CIMIP2C: variants seen among roughly 807,000 people sequenced by gnomAD.
CIMIP2C encodes the protein UPF0573 protein C2orf70.
the CIMIP2C span, chr2:26,562,779 T>TCCTTCAACCCC: frequency 1.8e-6 from 2 of 1,135,578 alleles, no homozygotes; most frequent in Non-Finnish European, 2.6e-6. Flanking sequence ...ACTTTGGGGT[T>TCCTTCAACCCC]GAAGGAACCC....
the CIMIP2C span, among the ~76,000 whole-genome samples, chr2:26,563,458 G>A: frequency 7.9e-5 from 12 of 152,230 alleles, no homozygotes; most frequent in African/African-American, 2.9e-4. Context: ...TTTCTACTCT[G>A]GACCGCCTCT....
At chr2:26,579,437 G>T in the CIMIP2C span, 1 of 1,613,574 alleles carries the variant, frequency 6.2e-7, no homozygotes, top group African/African-American at 1.3e-5. Context: ...TTCAGAGCAT[G>T]AGACTTTTAG....
At chr2:26,565,688 A>C in the CIMIP2C span, among the ~76,000 whole-genome samples, 1 of 152,106 alleles carries the variant, frequency 6.6e-6, no homozygotes, top group Non-Finnish European at 1.5e-5. Flanking sequence ...TTATCTGTTC[A>C]ATGGGGATGA....
chr2:26,578,008 T>C, the CIMIP2C span: 1 of 245,212 alleles, frequency 4.1e-6, no homozygotes, highest in Non-Finnish European at 7.8e-6. Flanking sequence ...TGCCCTCTGG[T>C]GGATACAGAG....
At chr2:26,576,030 G>A in the CIMIP2C span, 2 of 1,614,204 alleles carry the variant, frequency 1.2e-6, no homozygotes, top group East Asian at 4.5e-5. Context: ...AGCCAAGGCG[G>A]CCATTTCCCC....
chr2:26,577,970 GC>G, the CIMIP2C span: 130 of 306,190 alleles, frequency 4.2e-4, no homozygotes, highest in African/African-American at 2.7e-3. Flanking sequence ...TAACGTGGGC[GC>G]CGATGCAGAG....
chr2:26,579,367 T>G, the CIMIP2C span: 1 of 1,613,868 alleles, frequency 6.2e-7, no homozygotes, highest in Non-Finnish European at 8.5e-7. Context: ...CTACCAGACC[T>G]TCCCATCAGG....
the CIMIP2C span, chr2:26,577,444 C>A: frequency 1.9e-5 from 26 of 1,344,438 alleles, no homozygotes; most frequent in Non-Finnish European, 2.7e-5. Context: ...TGCAGCGAGG[C>A]ATGGACTGCA....
the CIMIP2C span, among the ~76,000 whole-genome samples, chr2:26,573,325 A>G: frequency 6.8e-6 from 1 of 147,062 alleles, no homozygotes; most frequent in African/African-American, 2.7e-5. Context: ...CCCTCTGCCT[A>G]TAAACGGGCA....
the CIMIP2C span, chr2:26,577,420 C>G: frequency 8.3e-7 from 1 of 1,212,040 alleles, no homozygotes. Flanking sequence ...AGGTGGCCCC[C>G]AACCCTGCCC....
the CIMIP2C span, chr2:26,579,232 G>A: frequency 1.3e-6 from 2 of 1,585,768 alleles, no homozygotes; most frequent in Non-Finnish European, 8.6e-7. Context: ...GGCTGTGGGT[G>A]GGCACGCACC....
At chr2:26,573,374 G>A in the CIMIP2C span, among the ~76,000 whole-genome samples, 2 of 152,218 alleles carry the variant, frequency 1.3e-5, no homozygotes, top group Non-Finnish European at 2.9e-5. Flanking sequence ...TAGGAACCAC[G>A]GCTCATGCCC....
chr2:26,568,110 C>T, the CIMIP2C span, among the ~76,000 whole-genome samples: 1 of 152,312 alleles, frequency 6.6e-6, no homozygotes, highest in Non-Finnish European at 1.5e-5. Context: ...TCATCTCCAG[C>T]TGAGGGAAAA....
the CIMIP2C span, among the ~76,000 whole-genome samples, chr2:26,573,669 CAG>C: frequency 1.4e-4 from 21 of 152,224 alleles, no homozygotes; most frequent in Non-Finnish European, 1.6e-4. Context: ...GCGGGGAACT[CAG>C]GGGGCCAAGG....
At chr2:26,575,961 C>T in the CIMIP2C span, 1 of 1,614,070 alleles carries the variant, frequency 6.2e-7, no homozygotes. Flanking sequence ...GGCACCACCA[C>T]CCTCAAGTAC....
chr2:26,571,323 A>C, the CIMIP2C span, among the ~76,000 whole-genome samples: 17 of 152,228 alleles, frequency 1.1e-4, no homozygotes, highest in Non-Finnish European at 2.1e-4. Flanking sequence ...CCCAGTGGAC[A>C]CTTGTCATGG....
the CIMIP2C span, among the ~76,000 whole-genome samples, chr2:26,568,472 G>T: frequency 6.6e-6 from 1 of 152,162 alleles, no homozygotes; most frequent in Non-Finnish European, 1.5e-5. Context: ...GAGGAACTGT[G>T]GAGCCCCCTA....
At chr2:26,568,702 T>A in the CIMIP2C span, among the ~76,000 whole-genome samples, 1 of 152,126 alleles carries the variant, frequency 6.6e-6, no homozygotes, top group Admixed American at 6.5e-5. Context: ...TAAGAAAGAA[T>A]ATTCCAGTGG....
chr2:26,565,055 T>C, the CIMIP2C span, among the ~76,000 whole-genome samples: 1 of 150,270 alleles, frequency 6.7e-6, no homozygotes. Flanking sequence ...CTCCTTCTCC[T>C]TCTTCTTCCC....
Sources: allele counts gnomAD v4.1 joint callset (sites outside exome capture counted in the v4.1 genomes callset), GRCh38; gene constraint gnomAD v4.1.1; transcripts MANE v1.5; gene names NCBI Gene and HGNC (gene_info 2026-07-23, HGNC 2026-07-21).